SVOPL: variants seen among roughly 807,000 people sequenced by gnomAD.
SVOPL encodes SVOP like.
SVOPL carries 60 observed loss-of-function variants against 61.0 expected under a neutral mutation model. That is an observed-to-expected ratio of 0.98 (90% CI 0.80 to 1.22). The LOEUF is 1.22. Ranked by LOEUF, SVOPL falls within the 50% of genes most tolerant of loss-of-function variation. SVOPL has a pLI of 0.00. For synonymous variants in SVOPL, 279 were observed against 250.0 expected (o/e 1.12, Z -1.09); for missense variants, 662 against 643.9 (o/e 1.03, Z -0.30).
intron 8 of SVOPL, among the ~76,000 whole-genome samples, chr7:138,647,856 A>G (rs1225976265): frequency 1.0e-4 from 15 of 150,090 alleles, no homozygotes; most frequent in Non-Finnish European, 1.6e-4. Flanking sequence ...TCAAAAAAAA[A>G]AAAAAAAAAA....
At chr7:138,679,116 T>C (rs1454969333) in intron 1 of SVOPL, 37 bp from the exon 2 acceptor site, 1 of 1,399,930 alleles carries the variant, frequency 7.1e-7, no homozygotes, top group African/African-American at 1.5e-5. Context: ...GAAAGAAATA[T>C]AATGGTTATT....
At chr7:138,625,558 A>G (rs1799854284) in intron 13 of SVOPL, among the ~76,000 whole-genome samples, 1 of 152,212 alleles carries the variant, frequency 6.6e-6, no homozygotes, top group African/African-American at 2.4e-5. Flanking sequence ...ATTATATTTA[A>G]ATTTAAGCTA....
At chr7:138,618,961 C>G (rs1438115940) in intron 14 of SVOPL, among the ~76,000 whole-genome samples, 1 of 152,132 alleles carries the variant, frequency 6.6e-6, no homozygotes, top group Admixed American at 6.6e-5. Flanking sequence ...GGGTTCTTTC[C>G]TAAACCACAA....
intron 9 of SVOPL, among the ~76,000 whole-genome samples, chr7:138,630,951 G>GAAAAAA (rs57139655): frequency 2.6e-5 from 2 of 76,340 alleles, no homozygotes; most frequent in African/African-American, 3.7e-5. Flanking sequence ...CTCAAAAAAA[G>GAAAAAA]AAAAAAAAAA....
At chr7:138,602,475 A>G (rs1161502486) in intron 14 of SVOPL, among the ~76,000 whole-genome samples, 1 of 146,412 alleles carries the variant, frequency 6.8e-6, no homozygotes, top group South Asian at 2.2e-4. Context: ...ATATATATAT[A>G]TGTAGATGTG....
At chr7:138,627,691 A>G (rs1026842909) in intron 11 of SVOPL, among the ~76,000 whole-genome samples, 3 of 152,192 alleles carry the variant, frequency 2.0e-5, no homozygotes, top group Non-Finnish European at 4.4e-5. Flanking sequence ...AATACTTATT[A>G]TATCATACAG....
At chr7:138,633,955 C>T (rs955505428) in intron 9 of SVOPL, among the ~76,000 whole-genome samples, 1 of 152,156 alleles carries the variant, frequency 6.6e-6, no homozygotes, top group Admixed American at 6.5e-5. Context: ...GTGGTGGCTA[C>T]AGGATCCCAA....
chr7:138,616,398 A>T (rs1799304294), intron 14 of SVOPL, among the ~76,000 whole-genome samples: 1 of 150,778 alleles, frequency 6.6e-6, no homozygotes, highest in Non-Finnish European at 1.5e-5. Context: ...GTGCAATGGC[A>T]TGATCTTGAC....
intron 1 of SVOPL, among the ~76,000 whole-genome samples, chr7:138,682,411 C>T (rs1048531501): frequency 5.9e-5 from 9 of 152,080 alleles, no homozygotes; most frequent in Admixed American, 2.6e-4. Flanking sequence ...GAACCTGAAT[C>T]GAATCAGGAA....
At chr7:138,660,039 G>C in intron 5 of SVOPL, 51 bp from the exon 6 acceptor site, 1 of 1,545,060 alleles carries the variant, frequency 6.5e-7, no homozygotes, top group Non-Finnish European at 8.7e-7. Flanking sequence ...TGCGGGGAGG[G>C]AAGAAGCCCT....
chr7:138,682,445 A>G (rs1802719913), intron 1 of SVOPL, among the ~76,000 whole-genome samples: 1 of 152,218 alleles, frequency 6.6e-6, no homozygotes, highest in African/African-American at 2.4e-5. Flanking sequence ...ACCAGCTTAC[A>G]CAGGAAATGA....
At chr7:138,628,976 C>T (rs1800027427) in intron 10 of SVOPL, among the ~76,000 whole-genome samples, 1 of 151,872 alleles carries the variant, frequency 6.6e-6, no homozygotes, top group Non-Finnish European at 1.5e-5. Context: ...AGTTTGAGAC[C>T]AGCCTGGGCA....
At chr7:138,615,887 C>T (rs977800163) in intron 14 of SVOPL, among the ~76,000 whole-genome samples, 1 of 152,130 alleles carries the variant, frequency 6.6e-6, no homozygotes, top group East Asian at 1.9e-4. Context: ...CCAGAAAAAA[C>T]TCTTTCCCCT....
chr7:138,606,122 C>A lies in SVOPL; in HGVS notation c.1354-9592G>T, dbSNP rs150224925. Among the ~76,000 whole-genome samples the A allele has an allele frequency of 5.9e-4, 89 of 152,130 alleles. 1 individual carries two copies. In the East Asian group the frequency reaches 0.015, roughly 26 times the overall value. On this transcript the variant is annotated intron_variant, in intron 14 of 15. Coordinates refer to ENST00000674285, the MANE Select transcript of SVOPL (RefSeq NM_001139456.2). The stretch of plus-strand genomic sequence containing the variant: ...AACACAAAAATTAGCCATCTATGCA[C>A]ACGTCCTGGTCCTCATGGCGAGTAA...
At chr7:138,697,564 T>C (rs550610928) in intron 1 of SVOPL, among the ~76,000 whole-genome samples, 1 of 138,718 alleles carries the variant, frequency 7.2e-6, no homozygotes, top group Non-Finnish European at 1.5e-5. Flanking sequence ...ACCGTGATCA[T>C]GCCACCCACT....
intron 7 of SVOPL, among the ~76,000 whole-genome samples, chr7:138,650,546 A>G (rs1313372132): frequency 2.6e-5 from 4 of 151,170 alleles, no homozygotes; most frequent in South Asian, 2.1e-4. Context: ...GCGGTGGCTC[A>G]TGCCTGTTAT....
chr7:138,611,843 C>T (rs1249524851), intron 14 of SVOPL, among the ~76,000 whole-genome samples: 4 of 71,622 alleles, frequency 5.6e-5, no homozygotes, highest in East Asian at 4.5e-4. Context: ...CTTGGCCTCC[C>T]AAAGTGCCGA....
At chr7:138,655,966 A>G (rs1801710257) in intron 7 of SVOPL, among the ~76,000 whole-genome samples, 1 of 152,194 alleles carries the variant, frequency 6.6e-6, no homozygotes, top group African/African-American at 2.4e-5. Context: ...AAATGCTATC[A>G]AACAGCATTG....
At chr7:138,645,431 A>C (rs1256041833) in intron 8 of SVOPL, among the ~76,000 whole-genome samples, 1 of 152,112 alleles carries the variant, frequency 6.6e-6, no homozygotes, top group Non-Finnish European at 1.5e-5. Flanking sequence ...TTCCTCAGAA[A>C]AGCACCTCCA....
Sources: allele counts gnomAD v4.1 joint callset (sites outside exome capture counted in the v4.1 genomes callset), GRCh38; gene constraint gnomAD v4.1.1; transcripts MANE v1.5; gene names NCBI Gene and HGNC (gene_info 2026-07-23, HGNC 2026-07-21).